The following PIK3AP1 variants were observed in gnomAD, a reference collection of about 807,000 sequenced individuals.
The protein encoded by PIK3AP1 is phosphoinositide 3-kinase adapter protein 1.
A neutral mutation model predicts 88.1 loss-of-function variants in PIK3AP1; 21 were observed. That is an observed-to-expected ratio of 0.24 (90% confidence interval 0.17 to 0.34). The LOEUF is 0.34. PIK3AP1 is among the 10% of genes least tolerant of loss of function. The pLI is 1.00. For missense variants in PIK3AP1, 828 were observed against 1,035.7 expected (o/e 0.80, Z 2.75); for synonymous variants, 398 against 400.0 (o/e 1.00, Z 0.06).
chr10:96,638,859 C>T (rs1843348541), intron 8 of PIK3AP1, among the ~76,000 whole-genome samples: 1 of 152,226 alleles, frequency 6.6e-6, no homozygotes, highest in African/African-American at 2.4e-5. Context: ...AGAATGTAAG[C>T]TTTGAAAGGC....
intron 13 of PIK3AP1, among the ~76,000 whole-genome samples, chr10:96,614,530 G>A (rs900290736): frequency 1.3e-5 from 2 of 151,802 alleles, no homozygotes; most frequent in Non-Finnish European, 2.9e-5. Context: ...GACCTTCTGC[G>A]ATGGTTAAAA....
At chr10:96,714,996 G>A (rs1844484046) in intron 1 of PIK3AP1, among the ~76,000 whole-genome samples, 2 of 151,372 alleles carry the variant, frequency 1.3e-5, no homozygotes, top group South Asian at 2.1e-4. Flanking sequence ...GCTGTGTCAA[G>A]TGAGTTCTTT....
chr10:96,699,636 A>G (rs1844267670), intron 2 of PIK3AP1, among the ~76,000 whole-genome samples: 1 of 152,226 alleles, frequency 6.6e-6, no homozygotes, highest in Admixed American at 6.5e-5. Flanking sequence ...TGAGAATATA[A>G]TAGATGCTCC....
chr10:96,626,951 T>G lies in PIK3AP1; in HGVS notation c.1472-46A>C, dbSNP rs757177216. 5 of 1,534,806 alleles carry G rather than the reference T, an allele frequency of 3.3e-6. No homozygotes were observed. In the South Asian group the frequency reaches 5.6e-5, roughly 17 times the overall value. On this transcript the variant is annotated intron_variant, in intron 9 of 16. Coordinates refer to ENST00000339364, the MANE Select transcript of PIK3AP1 (RefSeq NM_152309.3). ...GACTGAAAGCAGTGGCCAAACAAAC[T>G]GGGTGATCATCAGTCATAAAGCAGA...
intron 13 of PIK3AP1, among the ~76,000 whole-genome samples, chr10:96,611,675 G>A (rs1185555702): frequency 1.3e-5 from 2 of 151,976 alleles, no homozygotes; most frequent in Non-Finnish European, 2.9e-5. Flanking sequence ...TCACCATGTT[G>A]GCCAGGATGG....
chr10:96,684,064 T>G (rs1447380309), intron 2 of PIK3AP1, among the ~76,000 whole-genome samples: 1 of 152,314 alleles, frequency 6.6e-6, no homozygotes, highest in East Asian at 1.9e-4. Context: ...TTAGTTCCAG[T>G]GCCATTCTGC....
In PIK3AP1 at chr10:96,608,952, C is replaced by A. The variant is rs1849052698; in HGVS notation, c.2170+760G>T. Among the ~76,000 whole-genome samples, 4 of 152,162 alleles carry A rather than the reference C, an allele frequency of 2.6e-5. No homozygotes were observed. In the South Asian group the frequency reaches 8.3e-4, roughly 32 times the overall value. The stretch of plus-strand genomic sequence containing the variant: ...AACTCAATCTATGTGGCTTGTGAAG[C>A]CAATGTGTCTGGAGTCAGCTAACAC... On this transcript the variant is annotated intron_variant, in intron 14 of 16. Transcript: ENST00000339364.
chr10:96,665,073 C>T (rs559294786), intron 2 of PIK3AP1, among the ~76,000 whole-genome samples: 19 of 150,534 alleles, frequency 1.3e-4, no homozygotes, highest in African/African-American at 4.6e-4. Context: ...AATGTTTGAG[C>T]GAAGGTACTC....
chr10:96,660,168 T>C (rs1843667184), intron 2 of PIK3AP1, among the ~76,000 whole-genome samples: 1 of 152,116 alleles, frequency 6.6e-6, no homozygotes, highest in East Asian at 1.9e-4. Context: ...GTCAAAAGAA[T>C]GCAGAGATAA....
At chr10:96,642,290 G>A (rs11188868) in intron 8 of PIK3AP1, among the ~76,000 whole-genome samples, 53,783 of 151,846 alleles carry the variant, frequency 0.35, 11,083 homozygotes, top group Non-Finnish European at 0.47. Flanking sequence ...ACTGGGCATG[G>A]TGGTTCACAC....
intron 13 of PIK3AP1, among the ~76,000 whole-genome samples, chr10:96,615,484 T>C (rs1174386947): frequency 6.6e-6 from 1 of 152,094 alleles, no homozygotes; most frequent in African/African-American, 2.4e-5. Context: ...AGGAGATGGT[T>C]AGAAATGACC....
chr10:96,655,078 G>A (rs777223041), intron 3 of PIK3AP1, among the ~76,000 whole-genome samples: 6 of 152,154 alleles, frequency 3.9e-5, no homozygotes, highest in East Asian at 1.9e-4. Flanking sequence ...AAATAAAGAT[G>A]GGAGTCTCAC....
At chr10:96,690,431 T>A (rs1217898696) in intron 2 of PIK3AP1, among the ~76,000 whole-genome samples, 2 of 117,382 alleles carry the variant, frequency 1.7e-5, no homozygotes, top group African/African-American at 6.0e-5. Flanking sequence ...CCCAGCTAAT[T>A]TTTTATTTTT....
In PIK3AP1 at chr10:96,612,938, T is replaced by TTG. The variant is rs60662845; in HGVS notation, c.2015-3073_2015-3072dup. ...TGTGAATGTACTTTATGCCACTGAA[T>TTG]TGTGTGTGTGTGTATATATATATAT... On this transcript the variant is annotated intron_variant, in intron 13 of 16. Transcript: ENST00000339364. Among the ~76,000 whole-genome samples, 105 of 37,440 alleles carry TTG rather than the reference T, an allele frequency of 2.8e-3. 2 individuals are homozygous for TTG. The highest frequency in any genetic ancestry group is 9.3e-3 in the African/African-American group (100 of 10,698). The allele number at this position is 37,440 out of a possible 152,430, so 24.6% of individuals were successfully genotyped here.
At chr10:96,708,073 A>G (rs143270791) in intron 2 of PIK3AP1, among the ~76,000 whole-genome samples, 93 of 152,314 alleles carry the variant, frequency 6.1e-4, no homozygotes, top group African/African-American at 2.0e-3. Flanking sequence ...GAAAATTAGT[A>G]AATTCTTGAT....
chr10:96,715,666 G>A (rs1844492113), intron 1 of PIK3AP1, among the ~76,000 whole-genome samples: 2 of 152,132 alleles, frequency 1.3e-5, no homozygotes, highest in Non-Finnish European at 2.9e-5. Context: ...CAAGGCGGGT[G>A]GATCACGAGG....
intron 2 of PIK3AP1, among the ~76,000 whole-genome samples, chr10:96,668,944 A>G (rs1348949172): frequency 6.6e-6 from 1 of 152,102 alleles, no homozygotes; most frequent in East Asian, 1.9e-4. Flanking sequence ...AGCCTGGCCA[A>G]CATGGTGAAA....
Position 96,612,944 on chromosome 10 carries a change from GTGTGTGTATATATATATA to G in PIK3AP1, c.2015-3095_2015-3078del, listed in dbSNP as rs1165134895. ...TGTACTTTATGCCACTGAATTGTGT[GTGTGTGTATATATATATA>G]TATATATATATATATATATATTTTT... On this transcript the variant is annotated intron_variant, in intron 13 of 16. Coordinates refer to ENST00000339364, the MANE Select transcript of PIK3AP1 (RefSeq NM_152309.3). Among the ~76,000 whole-genome samples, 22 of 57,140 alleles carry G rather than the reference GTGTGTGTATATATATATA, an allele frequency of 3.9e-4. 1 individual carries two copies. The highest frequency in any genetic ancestry group is 8.9e-4 in the Admixed American group (3 of 3,362). 37.5% of individuals were successfully genotyped at this position (57,140 alleles called of 152,430 possible).
At chr10:96,653,883 A>G (rs1392359507) in intron 3 of PIK3AP1, among the ~76,000 whole-genome samples, 4 of 152,220 alleles carry the variant, frequency 2.6e-5, no homozygotes, top group African/African-American at 9.6e-5. Context: ...ATCTTTTTAG[A>G]AGTCCTTCGC....
Sources: allele counts gnomAD v4.1 joint callset (sites outside exome capture counted in the v4.1 genomes callset), GRCh38; gene constraint gnomAD v4.1.1; transcripts MANE v1.5; gene names NCBI Gene and HGNC (gene_info 2026-07-23, HGNC 2026-07-21).